GSE1: variants seen among roughly 807,000 people sequenced by gnomAD.
The protein encoded by GSE1 is Gse1 coiled-coil protein.
GSE1 carries 32 observed loss-of-function variants against 112.6 expected under a neutral mutation model. That is an observed-to-expected ratio of 0.28 (90% CI 0.21 to 0.38). The LOEUF (loss-of-function observed/expected upper bound fraction) is 0.38, where lower values mean the gene tolerates loss of function less well. Among genes scored for constraint, GSE1 ranks in the 10% least tolerant of loss-of-function variants. GSE1 has a pLI of 1.00. For missense variants in GSE1, 2,348 were observed against 1,699.2 expected (o/e 1.38, Z -6.71); for synonymous variants, 1,115 against 735.6 (o/e 1.52, Z -8.35).
intron 2 of GSE1, among the ~76,000 whole-genome samples, chr16:85,634,866 G>A (rs2049854025): frequency 6.6e-6 from 1 of 152,178 alleles, no homozygotes; most frequent in Non-Finnish European, 1.5e-5. Context: ...CACAAATGGG[G>A]AGGGGCAGTG....
chr16:85,230,553 T>C (rs1904275932), intron 1 of GSE1, among the ~76,000 whole-genome samples: 1 of 152,166 alleles, frequency 6.6e-6, no homozygotes, highest in Admixed American at 6.5e-5. Context: ...CGCTCTGCCT[T>C]TTGCTGCGGG....
intron 1 of GSE1, among the ~76,000 whole-genome samples, chr16:85,590,420 G>T (rs2046948865): frequency 6.6e-6 from 1 of 151,106 alleles, no homozygotes; most frequent in Non-Finnish European, 1.5e-5. Context: ...TGAACATGTG[G>T]GCCCGCGTGT....
intron 1 of GSE1, among the ~76,000 whole-genome samples, chr16:85,573,437 G>GT (rs1251353595): frequency 1.3e-5 from 2 of 152,160 alleles, no homozygotes; most frequent in Non-Finnish European, 2.9e-5. Context: ...TGGCGTGCAT[G>GT]TTTTTGTGTG....
intron 1 of GSE1, among the ~76,000 whole-genome samples, chr16:85,270,687 G>C (rs563114425): frequency 2.3e-5 from 3 of 130,782 alleles, no homozygotes; most frequent in African/African-American, 7.5e-5. Flanking sequence ...ACACGAGAGG[G>C]AGGAAAAATC....
chr16:85,550,498 C>T lies in GSE1; in HGVS notation c.2465-83416C>T, dbSNP rs564803249. Among the ~76,000 whole-genome samples, 9 of 152,238 alleles carry T rather than the reference C, an allele frequency of 5.9e-5. No homozygotes were observed. The East Asian group carries it at 7.7e-4, about 13-fold the overall frequency. On this transcript the variant is annotated intron_variant, in intron 2 of 2. Coordinates refer to the GSE1 transcript ENST00000637419. ...CGGAGGCTGCCCACCCGAGAACAGA[C>T]GGGGCATTCCAGGTTAGCCACGCAG...
intron 2 of GSE1, among the ~76,000 whole-genome samples, chr16:85,637,423 C>T (rs983697923): frequency 2.0e-5 from 3 of 152,228 alleles, no homozygotes; most frequent in African/African-American, 7.2e-5. Flanking sequence ...TGGAGTTGGA[C>T]CAGTGAGGGC....
At position 85,665,038 on chromosome 16, in the gene GSE1, C is replaced by T. The variant is rs1056113854; in HGVS notation, c.2668C>T (p.Leu890Phe). Residue 890 changes from leucine (L) to phenylalanine (F), a missense_variant, in exon 12 of 16, where the codon CTC becomes TTC. Leu to Phe is a conservative substitution (Grantham distance 22, BLOSUM62 0). Transcript: ENST00000253458. ...RKDKERLVEM[L>F]RAMKQKALSA... Reference sequence around the variant, plus strand: ...AGACAAAGAGAGACTTGTTGAAATGCTCCGTGCCATGAAGCAGAAGGCACT... The same window carrying T: ...AGACAAAGAGAGACTTGTTGAAATGTTCCGTGCCATGAAGCAGAAGGCACT... 2 of 1,609,330 alleles carry T rather than the reference C, an allele frequency of 1.2e-6. No individual in the cohort carries two copies. The highest frequency in any genetic ancestry group is 1.3e-5 in the African/African-American group (1 of 74,818).
At chr16:85,336,929 C>G (rs561880317) in intron 1 of GSE1, among the ~76,000 whole-genome samples, 1 of 152,380 alleles carries the variant, frequency 6.6e-6, no homozygotes, top group Admixed American at 6.5e-5. Context: ...CACACAAATG[C>G]ACACGCTGAC....
intron 1 of GSE1, among the ~76,000 whole-genome samples, chr16:85,245,649 G>T (rs993882352): frequency 3.3e-5 from 5 of 152,182 alleles, no homozygotes; most frequent in Admixed American, 6.5e-5. Context: ...TCTTAAAATA[G>T]TCCTTACTAT....
chr16:85,436,483 G>T (rs972766703), intron 2 of GSE1, among the ~76,000 whole-genome samples: 1 of 152,240 alleles, frequency 6.6e-6, no homozygotes, highest in Non-Finnish European at 1.5e-5. Flanking sequence ...TTTACTTGGG[G>T]TAACTCTTAG....
At chr16:85,197,576 A>G (rs1016704803) in intron 1 of GSE1, among the ~76,000 whole-genome samples, 2 of 152,216 alleles carry the variant, frequency 1.3e-5, no homozygotes, top group Non-Finnish European at 2.9e-5. Flanking sequence ...TCCTGGGGAC[A>G]GTGTTTCCTG....
chr16:85,515,221 G>A (rs2051887688), intron 2 of GSE1, among the ~76,000 whole-genome samples: 1 of 152,170 alleles, frequency 6.6e-6, no homozygotes, highest in South Asian at 2.1e-4. Context: ...TCCATCTGCG[G>A]GCACCCGCCT....
rs371439357 is a variant in GSE1 at position 85,661,702 on chromosome 16, C to A, written c.2197C>A (p.Arg733Ser). ...AYIYDEFLQQ[R>S]RRLVSKLDLE... is the part of the protein sequence containing the mutation. ...CATCTATGATGAGTTCCTGCAGCAG[C>A]GCCGGAGGCTGGTCAGCAAGCTGGA... is the stretch of plus-strand genomic sequence containing the variant. Residue 733 changes from arginine (R) to serine (S), a missense_variant, in exon 9 of 16, where the codon CGC becomes AGC. By Grantham distance (110) the Arg-to-Ser change is moderately radical. Transcript: ENST00000253458. 14 of 1,600,574 alleles carry A rather than the reference C, an allele frequency of 8.7e-6. No individual in the cohort carries two copies. The highest frequency in any genetic ancestry group is 1.2e-5 in the Non-Finnish European group (14 of 1,173,556).
At chr16:85,226,590 C>T (rs1368613889) in intron 1 of GSE1, among the ~76,000 whole-genome samples, 1 of 152,104 alleles carries the variant, frequency 6.6e-6, no homozygotes, top group East Asian at 1.9e-4. Flanking sequence ...GCCTCGGTTT[C>T]TTCTTAATAA....
At chr16:85,615,304 G>C (rs892614075) in intron 1 of GSE1, among the ~76,000 whole-genome samples, 1 of 152,238 alleles carries the variant, frequency 6.6e-6, no homozygotes, top group East Asian at 1.9e-4. Context: ...GGTAGATTCA[G>C]GAGCGCTGGA....
chr16:85,254,269 G>A (rs1906828994), intron 1 of GSE1, among the ~76,000 whole-genome samples: 1 of 152,182 alleles, frequency 6.6e-6, no homozygotes. Flanking sequence ...TGGGAAGCAG[G>A]AACAGGTGGT....
intron 1 of GSE1, among the ~76,000 whole-genome samples, chr16:85,275,896 G>A (rs993788135): frequency 2.6e-5 from 4 of 152,250 alleles, no homozygotes; most frequent in Non-Finnish European, 4.4e-5. Context: ...CTCTGGCCCC[G>A]TTCACTTCTG....
chr16:85,674,660 G>C lies in GSE1; in HGVS notation c.*2121G>C, dbSNP rs1043757037. ...TTGGCTAAAGTAAAAGGGAAAAGTA[G>C]ATCCGATAACTTAAAAACGTAGCTC... is the stretch of plus-strand genomic sequence containing the variant. On this transcript the variant is annotated 3_prime_UTR_variant, in exon 16 of 16. Transcript: ENST00000253458. The C allele has an allele frequency of 1.3e-5, 2 of 152,248 alleles. No homozygotes were observed. Among genetic ancestry groups the C allele is most frequent in the African/African-American group, 4.8e-5 (2 of 41,458 alleles). The allele number at this position is 152,248 out of a possible 1,614,324, so 9.4% of individuals were successfully genotyped here.
In GSE1 at chr16:85,350,314, G is replaced by A. The variant is rs914688504; in HGVS notation, c.2284-7149G>A. 4.7e-4 allele frequency among the ~76,000 whole-genome samples: 72 copies of A among 152,268 alleles called. 1 individual carries two copies. Among genetic ancestry groups the A allele is most frequent in the African/African-American group, 1.7e-3 (70 of 41,538 alleles). On this transcript the variant is annotated intron_variant, in intron 1 of 2. Transcript: ENST00000637419. Reference sequence around the variant, plus strand: ...TGTTTTACTCAAGATCAGCAGTGCCGGCTTCCTGGGGTGCACCTGGAGCTT... The same window carrying A: ...TGTTTTACTCAAGATCAGCAGTGCCAGCTTCCTGGGGTGCACCTGGAGCTT...
Sources: gnomAD v4.1 joint callset for allele counts (sites outside exome capture counted in the v4.1 genomes callset) on GRCh38, gnomAD v4.1.1 for gene constraint, MANE v1.5 for transcripts, NCBI Gene and HGNC (gene_info 2026-07-23, HGNC 2026-07-21) for gene names.